The following SRSF4 variants were observed in gnomAD, a reference collection of about 807,000 sequenced individuals.
SRSF4 encodes serine/arginine-rich splicing factor 4.
In SRSF4, 12 loss-of-function variants were observed where a neutral mutation model predicts 48.8. The ratio of observed to expected loss-of-function variants is 0.25; its 90% CI spans 0.16 to 0.40. SRSF4 has a LOEUF of 0.40. SRSF4 is among the 10% of genes least tolerant of loss of function. The probability of loss-of-function intolerance (pLI) is 1.00; values close to 1 mark genes in which losing one functional copy is unlikely to be tolerated. For synonymous variants in SRSF4, 248 were observed against 232.5 expected (o/e 1.07, Z -0.61); for missense variants, 466 against 667.1 (o/e 0.70, Z 3.32).
chr1:29,160,192 G>T, intron 2 of SRSF4, 183 bp downstream of exon 2: 1 of 633,050 alleles, frequency 1.6e-6, no homozygotes, highest in Non-Finnish European at 2.5e-6. Flanking sequence ...ATTGTCATTA[G>T]TTTAATTAAA....
intron 4 of SRSF4, among the ~76,000 whole-genome samples, chr1:29,153,746 G>A (rs1037216009): frequency 2.0e-5 from 3 of 151,510 alleles, no homozygotes; most frequent in African/African-American, 4.9e-5. Context: ...TTACAGGCAT[G>A]CACCACCAAC....
intron 4 of SRSF4, among the ~76,000 whole-genome samples, chr1:29,151,981 A>C (rs1055370884): frequency 3.9e-5 from 6 of 152,184 alleles, no homozygotes; most frequent in Admixed American, 1.3e-4. Context: ...AAAAATACCT[A>C]TTTGAGACAA....
At chr1:29,152,551 A>G (rs1166824069) in intron 4 of SRSF4, among the ~76,000 whole-genome samples, 1 of 151,934 alleles carries the variant, frequency 6.6e-6, no homozygotes, top group Non-Finnish European at 1.5e-5. Flanking sequence ...TTACCTCTCT[A>G]TATTAGCTTC....
intron 1 of SRSF4, chr1:29,172,042 T>A (rs1241541662): frequency 1.3e-5 from 2 of 151,892 alleles, no homozygotes; most frequent in Non-Finnish European, 2.9e-5. Context: ...TCTCTTGGCA[T>A]TGATTTTTCA....
At chr1:29,171,526 G>C (rs1005957516) in intron 1 of SRSF4, 4 of 150,980 alleles carry the variant, frequency 2.6e-5, no homozygotes, top group African/African-American at 9.8e-5. Context: ...TACAAACTAG[G>C]GACAACACTT....
intron 1 of SRSF4, among the ~76,000 whole-genome samples, chr1:29,181,261 T>G (rs1450136544): frequency 6.6e-6 from 1 of 152,188 alleles, no homozygotes; most frequent in Non-Finnish European, 1.5e-5. Context: ...TTATTTCCAG[T>G]AGTCCTCAGA....
chr1:29,159,395 C>T lies in SRSF4; in HGVS notation c.342G>A (p.Arg114=). ...YRLIVENLSS[R]CSWQDLKDYM... ...AAACCTTTAGGTCTTGCCAGCTGCA[C>T]CGACTTGACAAATTCTCCACAATAA... The change falls in exon 3 of 6, where the codon CGG becomes CGA. Residue 114 remains arginine, a synonymous_variant. Transcript: ENST00000373795. The T allele has an allele frequency of 1.2e-6, 2 of 1,613,996 alleles. No individual in the cohort carries two copies. Among genetic ancestry groups the T allele is most frequent in the Non-Finnish European group, 8.5e-7 (1 of 1,179,944 alleles).
chr1:29,162,210 G>A (rs1055936383), intron 1 of SRSF4, among the ~76,000 whole-genome samples: 2 of 152,200 alleles, frequency 1.3e-5, no homozygotes, highest in Admixed American at 1.3e-4. Context: ...TTAAAACATA[G>A]TTTCACGCTT....
chr1:29,151,647 G>C (rs1311075737), intron 4 of SRSF4, among the ~76,000 whole-genome samples: 1 of 152,168 alleles, frequency 6.6e-6, no homozygotes, highest in African/African-American at 2.4e-5. Context: ...CAGCTATAAA[G>C]ACATCCATGG....
chr1:29,157,655 G>A (rs1394250408), intron 3 of SRSF4, among the ~76,000 whole-genome samples: 1 of 152,112 alleles, frequency 6.6e-6, no homozygotes, highest in Non-Finnish European at 1.5e-5. Context: ...ACAAAAAAGT[G>A]CTTTAAATTA....
chr1:29,160,685 C>A, intron 1 of SRSF4, 168 bp from the exon 2 acceptor site: 1 of 633,512 alleles, frequency 1.6e-6, no homozygotes, highest in Non-Finnish European at 2.5e-6. Context: ...TTTGTGCCAA[C>A]AGGCACTGAA....
intron 1 of SRSF4, 149 bp from the exon 2 acceptor site, chr1:29,160,666 C>G: frequency 2.4e-6 from 2 of 825,436 alleles, no homozygotes; most frequent in Non-Finnish European, 3.5e-6. Flanking sequence ...TCAGGTGAAA[C>G]CACTTTGCTT....
At chr1:29,161,481 C>T (rs980165170) in intron 1 of SRSF4, among the ~76,000 whole-genome samples, 5 of 152,304 alleles carry the variant, frequency 3.3e-5, no homozygotes, top group East Asian at 3.9e-4. Context: ...TGTGTGTACA[C>T]GGGCACACAG....
intron 4 of SRSF4, among the ~76,000 whole-genome samples, chr1:29,152,918 G>A (rs72649256): frequency 1.6e-4 from 14 of 90,222 alleles, no homozygotes; most frequent in Non-Finnish European, 4.3e-4. Context: ...AAGAAACTCC[G>A]TCTCAAAAAA....
intron 1 of SRSF4, among the ~76,000 whole-genome samples, chr1:29,178,841 A>G (rs1280927784): frequency 6.6e-6 from 1 of 152,166 alleles, no homozygotes; most frequent in African/African-American, 2.4e-5. Flanking sequence ...CTTGAAATAC[A>G]TCTTTACCAT....
At chr1:29,149,846 T>C (rs1022185502) in intron 5 of SRSF4, among the ~76,000 whole-genome samples, 3 of 151,600 alleles carry the variant, frequency 2.0e-5, no homozygotes, top group East Asian at 1.9e-4. Flanking sequence ...CTGGGCAACA[T>C]AGTGAGACCC....
At chr1:29,166,387 A>T (rs1672669396) in intron 1 of SRSF4, among the ~76,000 whole-genome samples, 1 of 152,226 alleles carries the variant, frequency 6.6e-6, no homozygotes, top group Non-Finnish European at 1.5e-5. Context: ...TAGTGCTCAG[A>T]AGAGGCCAAC....
Position 29,160,613 on chromosome 1 carries a change from GT to G in SRSF4, c.108-97del, listed in dbSNP as rs1270562012. The G allele has an allele frequency of 3.1e-5, 44 of 1,407,178 alleles. 1 individual carries two copies. In the East Asian group the frequency reaches 1.1e-3, roughly 35 times the overall value. The allele number at this position is 1,407,178 out of a possible 1,614,324, so 87.2% of individuals were successfully genotyped here. On this transcript the variant is annotated intron_variant, in intron 1 of 5. Transcript: ENST00000373795. ...GCAATGAGGTTCATGCTTAGCAAAGGTTAGGTGGATTTTGCAAACTAAGGAT... is the reference window on the plus strand; with the variant it reads ...GCAATGAGGTTCATGCTTAGCAAAGGTAGGTGGATTTTGCAAACTAAGGAT...
rs966536637 is a variant in SRSF4, at chr1:29,181,823, C to G, written c.-71G>C. 3.9e-6 allele frequency: 5 copies of G among 1,266,148 alleles called. No homozygotes were observed. The Admixed American group carries it at 1.5e-4, about 38-fold the overall frequency. The allele number at this position is 1,266,148 out of a possible 1,614,324, so 78.4% of individuals were successfully genotyped here. On this transcript the variant is annotated 5_prime_UTR_variant, in exon 1 of 6. Coordinates refer to ENST00000373795, the MANE Select transcript of SRSF4 (RefSeq NM_005626.5). The stretch of plus-strand genomic sequence containing the variant: ...GGCGGCGGCGGGCAAAGCGAGAGCA[C>G]GGCGGCAGCGGCGGCGGCGGCAACG...
Sources: allele counts gnomAD v4.1 joint callset (sites outside exome capture counted in the v4.1 genomes callset), GRCh38; gene constraint gnomAD v4.1.1; transcripts MANE v1.5; gene names NCBI Gene and HGNC (gene_info 2026-07-23, HGNC 2026-07-21).